Variants in SMG6 observed in about 807,000 individuals in gnomAD.
SMG6 encodes the protein SMG6 nonsense mediated mRNA decay factor.
Under a neutral mutation model 142.2 loss-of-function variants are expected in SMG6, and 66 were observed. The ratio of observed to expected loss-of-function variants is 0.46; its 90% CI spans 0.38 to 0.57. The LOEUF (loss-of-function observed/expected upper bound fraction) is 0.57, where lower values mean the gene tolerates loss of function less well. Ranked by LOEUF, SMG6 falls within the 20% of genes least tolerant of loss-of-function variation. SMG6 has a pLI of 0.00. For synonymous variants in SMG6, 779 were observed against 702.4 expected (o/e 1.11, Z -1.72); for missense variants, 1,793 against 1,832.0 (o/e 0.98, Z 0.39).
At chr17:2,137,528 G>T (rs577650742) in intron 13 of SMG6, among the ~76,000 whole-genome samples, 1 of 151,884 alleles carries the variant, frequency 6.6e-6, no homozygotes, top group African/African-American at 2.4e-5. Context: ...CATGCAAATG[G>T]GCTTACTCAT....
intron 13 of SMG6, among the ~76,000 whole-genome samples, chr17:2,139,525 G>C (rs548212967): frequency 2.0e-5 from 3 of 150,556 alleles, no homozygotes; most frequent in Non-Finnish European, 4.4e-5. Flanking sequence ...GGCATCAAGC[G>C]ATTCTCCAGC....
At chr17:2,303,332 A>C in intron 1 of SMG6, 1 of 1,162,076 alleles carries the variant, frequency 8.6e-7, no homozygotes, top group Non-Finnish European at 1.1e-6. Flanking sequence ...GATGCCTGGG[A>C]ATCCGGGGCG....
chr17:2,149,185 A>G (rs2070753596), intron 13 of SMG6, among the ~76,000 whole-genome samples: 1 of 151,954 alleles, frequency 6.6e-6, no homozygotes, highest in Non-Finnish European at 1.5e-5. Context: ...CCCTGTCTCT[A>G]CAAAAAATAC....
intron 8 of SMG6, among the ~76,000 whole-genome samples, chr17:2,261,326 AG>A (rs1265741814): frequency 6.8e-6 from 1 of 147,628 alleles, no homozygotes; most frequent in Non-Finnish European, 1.5e-5. Context: ...AAAAAAAAAA[AG>A]GGAAGAGAAG....
At chr17:2,225,808 G>A (rs1327580043) in intron 10 of SMG6, among the ~76,000 whole-genome samples, 1 of 152,080 alleles carries the variant, frequency 6.6e-6, no homozygotes, top group Non-Finnish European at 1.5e-5. Context: ...TAGTGCTGGG[G>A]GTAAGGAGTA....
intron 13 of SMG6, among the ~76,000 whole-genome samples, chr17:2,095,287 G>A (rs1469130070): frequency 2.0e-5 from 3 of 152,142 alleles, no homozygotes; most frequent in African/African-American, 7.2e-5. Context: ...CTGAACCTTG[G>A]GCTCTAGTCA....
chr17:2,147,301 G>A (rs1055212602), intron 13 of SMG6, among the ~76,000 whole-genome samples: 1 of 152,172 alleles, frequency 6.6e-6, no homozygotes, highest in South Asian at 2.1e-4. Context: ...GCTGAGGCAG[G>A]AGAATCACTT....
intron 13 of SMG6, among the ~76,000 whole-genome samples, chr17:2,137,312 C>T (rs1320142219): frequency 1.3e-5 from 2 of 152,102 alleles, no homozygotes; most frequent in East Asian, 1.9e-4. Flanking sequence ...TGGTGATATA[C>T]GGAGAAATGT....
intron 13 of SMG6, chr17:2,094,784 C>G (rs1356856871): frequency 6.6e-6 from 1 of 152,192 alleles, no homozygotes; most frequent in Non-Finnish European, 1.5e-5. Flanking sequence ...TTTCTACCCA[C>G]CTGAATTTCC....
At chr17:2,175,348 T>C (rs9899468) in intron 12 of SMG6, among the ~76,000 whole-genome samples, 25,161 of 151,898 alleles carry the variant, frequency 0.17, 2,412 homozygotes, top group African/African-American at 0.26. Context: ...GGGGGTGGTG[T>C]GGGCAGCAGC....
intron 12 of SMG6, among the ~76,000 whole-genome samples, chr17:2,184,329 C>T (rs1387153177): frequency 6.6e-6 from 1 of 150,728 alleles, no homozygotes; most frequent in Non-Finnish European, 1.5e-5. Flanking sequence ...TGCCACTGCA[C>T]TTGAACCTGG....
At chr17:2,080,365 C>A (rs559102132) in intron 15 of SMG6, among the ~76,000 whole-genome samples, 1 of 152,154 alleles carries the variant, frequency 6.6e-6, no homozygotes, top group African/African-American at 2.4e-5. Flanking sequence ...TTGGAGTGAG[C>A]TGAGATCATG....
At chr17:2,274,894 G>T (rs181225159) in intron 8 of SMG6, among the ~76,000 whole-genome samples, 2 of 152,106 alleles carry the variant, frequency 1.3e-5, no homozygotes, top group Admixed American at 1.3e-4. Context: ...GGCTGAGGTG[G>T]GAGGACTGCT....
At chr17:2,135,023 G>A (rs906544297) in intron 13 of SMG6, among the ~76,000 whole-genome samples, 8 of 152,138 alleles carry the variant, frequency 5.3e-5, no homozygotes, top group Admixed American at 2.0e-4. Flanking sequence ...GGGATTACAG[G>A]CGTGAGCCAC....
intron 13 of SMG6, among the ~76,000 whole-genome samples, chr17:2,136,576 A>G (rs2070310681): frequency 6.6e-6 from 1 of 152,146 alleles, no homozygotes; most frequent in South Asian, 2.1e-4. Flanking sequence ...GAATAGACAC[A>G]TATGTTCAAC....
At chr17:2,211,524 C>T (rs1001569286) in intron 10 of SMG6, among the ~76,000 whole-genome samples, 2 of 151,978 alleles carry the variant, frequency 1.3e-5, no homozygotes, top group Admixed American at 6.6e-5. Flanking sequence ...ATTAGCCGGG[C>T]GTGGTGGTGG....
chr17:2,244,574 C>A, intron 9 of SMG6, 84 bp downstream of exon 9: 2 of 1,093,416 alleles, frequency 1.8e-6, no homozygotes, highest in Non-Finnish European at 2.8e-6. Context: ...CCCTCAGTTA[C>A]AAACACAGTC....
At chr17:2,107,836 C>T (rs891893208) in intron 13 of SMG6, among the ~76,000 whole-genome samples, 1 of 152,092 alleles carries the variant, frequency 6.6e-6, no homozygotes, top group African/African-American at 2.4e-5. Flanking sequence ...GGAATGGTGC[C>T]GAAAGGAGGC....
chr17:2,102,649 T>C (rs1484938141), intron 13 of SMG6, among the ~76,000 whole-genome samples: 1 of 150,970 alleles, frequency 6.6e-6, no homozygotes, highest in Non-Finnish European at 1.5e-5. Context: ...GGGATTACAG[T>C]TGTGAGTGAC....
Sources: gnomAD v4.1 joint callset for allele counts (sites outside exome capture counted in the v4.1 genomes callset) on GRCh38, gnomAD v4.1.1 for gene constraint, MANE v1.5 for transcripts, NCBI Gene and HGNC (gene_info 2026-07-23, HGNC 2026-07-21) for gene names.